DPP10: variants seen among roughly 807,000 people sequenced by gnomAD.
DPP10 encodes the protein dipeptidyl peptidase like 10, also known as inactive dipeptidyl peptidase 10.
A neutral mutation model predicts 120.9 loss-of-function variants in DPP10; 33 were observed. The observed-to-expected ratio is 0.27, with a 90% confidence interval of 0.21 to 0.37. DPP10 has a LOEUF of 0.37. Among genes scored for constraint, DPP10 ranks in the 10% least tolerant of loss-of-function variants. DPP10 has a pLI of 1.00. For missense variants in DPP10, 816 were observed against 942.8 expected (o/e 0.87, Z 1.76); for synonymous variants, 337 against 326.1 (o/e 1.03, Z -0.36).
At chr2:115,376,128 G>T (rs142512699) in intron 3 of DPP10, among the ~76,000 whole-genome samples, 1 of 152,038 alleles carries the variant, frequency 6.6e-6, no homozygotes, top group African/African-American at 2.4e-5. Context: ...AGGCAGCAAG[G>T]TATAAAACAA....
At chr2:115,610,551 A>G (rs967136331) in intron 5 of DPP10, among the ~76,000 whole-genome samples, 4 of 151,830 alleles carry the variant, frequency 2.6e-5, no homozygotes, top group African/African-American at 4.8e-5. Context: ...GATTTGCATT[A>G]CAAACATAAA....
intron 5 of DPP10, among the ~76,000 whole-genome samples, chr2:115,575,325 G>T (rs2081588080): frequency 6.6e-6 from 1 of 152,156 alleles, no homozygotes; most frequent in Non-Finnish European, 1.5e-5. Context: ...TCATAAGAAA[G>T]TGAGTGTTTG....
chr2:115,134,347 G>T (rs776588539), intron 1 of DPP10, among the ~76,000 whole-genome samples: 3 of 152,112 alleles, frequency 2.0e-5, no homozygotes, highest in Non-Finnish European at 4.4e-5. Flanking sequence ...CCATTCTTTG[G>T]GGTTGAGGAA....
At chr2:114,764,340 T>C (rs2106116176) in intron 1 of DPP10, among the ~76,000 whole-genome samples, 1 of 151,204 alleles carries the variant, frequency 6.6e-6, no homozygotes, top group Non-Finnish European at 1.5e-5. Flanking sequence ...CTTGCTGAGT[T>C]ATTTTGAAAA....
chr2:115,181,844 A>T (rs1245608392), intron 1 of DPP10, among the ~76,000 whole-genome samples: 1 of 152,246 alleles, frequency 6.6e-6, no homozygotes, highest in East Asian at 1.9e-4. Flanking sequence ...CTATAATAGA[A>T]GCATGTGGAT....
intron 1 of DPP10, among the ~76,000 whole-genome samples, chr2:114,976,546 A>G (rs1196633909): frequency 6.6e-6 from 1 of 152,256 alleles, no homozygotes; most frequent in Non-Finnish European, 1.5e-5. Flanking sequence ...ACTGGAAATA[A>G]CACAGAATTG....
At chr2:115,774,550 A>G (rs775514909) in intron 13 of DPP10, among the ~76,000 whole-genome samples, 2 of 152,130 alleles carry the variant, frequency 1.3e-5, no homozygotes, top group African/African-American at 2.4e-5. Flanking sequence ...TGCAGTTCTC[A>G]TATCTCACAA....
At chr2:114,726,706 T>C (rs567263093) in intron 1 of DPP10, among the ~76,000 whole-genome samples, 5 of 152,362 alleles carry the variant, frequency 3.3e-5, no homozygotes, top group Non-Finnish European at 7.3e-5. Flanking sequence ...TCATTGGGCA[T>C]GTCAATAGCC....
intron 1 of DPP10, among the ~76,000 whole-genome samples, chr2:114,465,073 T>C (rs751433865): frequency 1.3e-5 from 2 of 152,180 alleles, no homozygotes; most frequent in African/African-American, 2.4e-5. Flanking sequence ...GCGTTCTGTA[T>C]AGAGTACAAC....
chr2:115,385,293 C>G (rs2066844606), intron 3 of DPP10, among the ~76,000 whole-genome samples: 1 of 152,006 alleles, frequency 6.6e-6, no homozygotes, highest in South Asian at 2.1e-4. Flanking sequence ...TCACTGAGTC[C>G]TTCTTCAGTC....
At chr2:115,121,682 G>C (rs994999848) in intron 1 of DPP10, among the ~76,000 whole-genome samples, 8 of 152,186 alleles carry the variant, frequency 5.3e-5, no homozygotes, top group African/African-American at 1.9e-4. Context: ...GTTATCTAGA[G>C]GAGTGTCCTT....
chr2:115,384,494 G>A (rs936517722), intron 3 of DPP10, among the ~76,000 whole-genome samples: 1 of 148,308 alleles, frequency 6.7e-6, no homozygotes, highest in East Asian at 2.0e-4. Flanking sequence ...AGAAGAAGAA[G>A]AGGAAAAGAA....
intron 7 of DPP10, among the ~76,000 whole-genome samples, chr2:115,693,478 C>T (rs1300960097): frequency 1.3e-5 from 2 of 152,098 alleles, no homozygotes; most frequent in African/African-American, 2.4e-5. Context: ...GTACAAAATA[C>T]TGCCCAGTAT....
At chr2:114,505,364 A>G (rs1683556557) in intron 1 of DPP10, among the ~76,000 whole-genome samples, 1 of 152,110 alleles carries the variant, frequency 6.6e-6, no homozygotes, top group Non-Finnish European at 1.5e-5. Flanking sequence ...GCTTGTTTGA[A>G]CAGATTCATT....
intron 5 of DPP10, among the ~76,000 whole-genome samples, chr2:115,586,061 G>A (rs551071733): frequency 4.6e-5 from 7 of 152,144 alleles, no homozygotes; most frequent in East Asian, 1.9e-4. Flanking sequence ...GGTGGCTCAC[G>A]CCTGTAATCC....
chr2:114,998,800 A>G (rs550152985), intron 1 of DPP10, among the ~76,000 whole-genome samples: 1 of 152,306 alleles, frequency 6.6e-6, no homozygotes, highest in South Asian at 2.1e-4. Context: ...GAAGGACACC[A>G]GCAGGTTAGC....
Position 115,125,721 on chromosome 2 carries a change from T to G in DPP10, c.61-183518T>G, listed in dbSNP as rs528509267. On this transcript the variant is annotated intron_variant, in intron 1 of 25. Coordinates refer to ENST00000410059, the MANE Select transcript of DPP10 (RefSeq NM_020868.6). ...TGAGTAGCTGGGACTACAGGTGCCC[T>G]CCACCACACAGGGCTAATTTTCTTT... 1.3e-4 allele frequency among the ~76,000 whole-genome samples: 19 copies of G among 151,846 alleles called. 1 individual carries two copies. The highest frequency in any genetic ancestry group is 4.1e-4 in the African/African-American group (17 of 41,326).
intron 1 of DPP10, among the ~76,000 whole-genome samples, chr2:114,600,102 T>C (rs1394914658): frequency 6.6e-6 from 1 of 151,662 alleles, no homozygotes; most frequent in African/African-American, 2.4e-5. Context: ...TAAGCCACCA[T>C]ATCTTTGGAT....
chr2:114,506,826 C>T (rs1216516088), intron 1 of DPP10, among the ~76,000 whole-genome samples: 1 of 152,106 alleles, frequency 6.6e-6, no homozygotes, highest in Non-Finnish European at 1.5e-5. Context: ...AGCTCTCCTC[C>T]CCTCCTATGA....
Sources: allele counts gnomAD v4.1 joint callset (sites outside exome capture counted in the v4.1 genomes callset), GRCh38; gene constraint gnomAD v4.1.1; transcripts MANE v1.5; gene names NCBI Gene and HGNC (gene_info 2026-07-23, HGNC 2026-07-21).